OSBPL3: variants seen among roughly 807,000 people sequenced by gnomAD.
OSBPL3 encodes oxysterol binding protein like 3, also known as oxysterol-binding protein-related protein 3.
A neutral mutation model predicts 120.1 loss-of-function variants in OSBPL3; 65 were observed. That is an observed-to-expected ratio of 0.54 (90% CI 0.44 to 0.67). OSBPL3 has a LOEUF of 0.67. Among genes scored for constraint, OSBPL3 ranks in the 30% least tolerant of loss-of-function variants. OSBPL3 has a pLI of 0.00. For synonymous variants in OSBPL3, 416 were observed against 402.6 expected, an observed-to-expected ratio of 1.03 and a Z score of -0.40; for missense variants, 1,004 against 1,082.1, an observed-to-expected ratio of 0.93 and a Z score of 1.01.
At position 24,898,633 on chromosome 7, in the gene OSBPL3, A is replaced by G. The variant is rs184215698; in HGVS notation, c.-149-6012T>C. Among the ~76,000 whole-genome samples the G allele has an allele frequency of 6.6e-6, 1 of 152,336 alleles. No individual in the cohort carries two copies. ...CCAGCAACAGAAATGCACCTGGTGC[A>G]TATTTGAAGCGTGCGGCTTCCATGA... On this transcript the variant is annotated intron_variant, in intron 1 of 22. Coordinates refer to ENST00000313367, the MANE Select transcript of OSBPL3 (RefSeq NM_015550.4). This position sits in a 1 kb window ranked among gnomAD's most constrained non-coding sequence, Gnocchi z 4.3.
Position 24,828,649 on chromosome 7 carries a change from G to A in OSBPL3, c.1884+2119C>T, listed in dbSNP as rs544334163. On this transcript the variant is annotated intron_variant, in intron 16 of 22. Coordinates refer to ENST00000313367, the MANE Select transcript of OSBPL3 (RefSeq NM_015550.4). ...AAAAAAAAAAAAAGGCATCGTAGAA[G>A]TTCCCACTAAATATAAGAGCAATAG... Among the ~76,000 whole-genome samples, 116 of 138,586 alleles carry A rather than the reference G, an allele frequency of 8.4e-4. 1 individual carries two copies. Among genetic ancestry groups the A allele is most frequent in the Middle Eastern group, 4.0e-3 (1 of 252 alleles). The allele number at this position is 138,586 out of a possible 152,430, so 90.9% of individuals were successfully genotyped here. A position where few individuals can be genotyped will look rare whatever the true frequency, so the allele number is the denominator to read the frequency against.
rs1278684962 is a variant in OSBPL3 at position 24,932,562 on chromosome 7, T to G, written c.-149-39941A>C. On this transcript the variant is annotated intron_variant, in intron 1 of 22. Transcript: ENST00000313367. This position sits in a 1 kb window ranked among gnomAD's most constrained non-coding sequence, Gnocchi z 5.6. ...GCAGAGCCCTCATGAATGGGACTAG[T>G]GCCCTTTTAAAGATTCCCCACAGAG... Among the ~76,000 whole-genome samples, 2 of 152,068 alleles carry G rather than the reference T, an allele frequency of 1.3e-5. No homozygotes were observed. The highest frequency in any genetic ancestry group is 1.3e-4 in the Admixed American group (2 of 15,268).
At chr7:24,950,445 G>C (rs1338927437) in intron 1 of OSBPL3, among the ~76,000 whole-genome samples, 2 of 152,038 alleles carry the variant, frequency 1.3e-5, no homozygotes, top group Non-Finnish European at 2.9e-5. Flanking sequence ...CATGTAGGCC[G>C]GGCGCGGTGG....
At chr7:24,856,922 ATTT>A (rs1799909279) in intron 10 of OSBPL3, among the ~76,000 whole-genome samples, 1 of 152,230 alleles carries the variant, frequency 6.6e-6, no homozygotes, top group African/African-American at 2.4e-5. Context: ...ATCCAAATTG[ATTT>A]AGATACATTA....
At chr7:24,906,819 C>T (rs1024522958) in intron 1 of OSBPL3, among the ~76,000 whole-genome samples, 23 of 152,132 alleles carry the variant, frequency 1.5e-4, no homozygotes, top group African/African-American at 5.6e-4. Context: ...CCACTTCTCT[C>T]TATGCACTTC....
chr7:24,971,641 G>C (rs1817034994), intron 1 of OSBPL3, among the ~76,000 whole-genome samples: 1 of 152,214 alleles, frequency 6.6e-6, no homozygotes. Context: ...ATGGAAATCA[G>C]GAAGGGTAAA....
Position 24,938,959 on chromosome 7 carries a change from C to G in OSBPL3, c.-150+40927G>C, listed in dbSNP as rs1177654766. 6.6e-6 allele frequency among the ~76,000 whole-genome samples: 1 copy of G among 151,562 alleles called. No homozygotes were observed. Among genetic ancestry groups the G allele is most frequent in the Non-Finnish European group, 1.5e-5 (1 of 67,936 alleles). On this transcript the variant is annotated intron_variant, in intron 1 of 22. Transcript: ENST00000313367. This position sits in a 1 kb window ranked among gnomAD's most constrained non-coding sequence, Gnocchi z 5.8. ...TGATGTGATTAATTAAGATGCAGAACACAAGAACAAATGAAACAGAGTGCA... is the reference window on the plus strand; with the variant it reads ...TGATGTGATTAATTAAGATGCAGAAGACAAGAACAAATGAAACAGAGTGCA...
In OSBPL3 at chr7:24,912,644, G is replaced by A. The variant is rs1053439338; in HGVS notation, c.-149-20023C>T. 1.3e-5 allele frequency among the ~76,000 whole-genome samples: 2 copies of A among 152,166 alleles called. No homozygotes were observed. Among genetic ancestry groups the A allele is most frequent in the African/African-American group, 2.4e-5 (1 of 41,444 alleles). ...CCCAGTCTCCAGACCCAAGGCAGAC[G>A]TCAAGGCTTATTTATGGCTTAGAGC... On this transcript the variant is annotated intron_variant, in intron 1 of 22. Transcript: ENST00000313367. The surrounding 1 kb of genome is among the most constrained non-coding windows in gnomAD (Gnocchi z 4.5).
Position 24,854,066 on chromosome 7 carries a change from G to GCA in OSBPL3, c.1028-1434_1028-1433dup, listed in dbSNP as rs141325785. 3.0e-4 allele frequency among the ~76,000 whole-genome samples: 46 copies of GCA among 151,458 alleles called. No individual in the cohort carries two copies. The East Asian group carries it at 5.1e-3, about 17-fold the overall frequency. On this transcript the variant is annotated intron_variant, in intron 10 of 22. Coordinates refer to ENST00000313367, the MANE Select transcript of OSBPL3 (RefSeq NM_015550.4). This position sits in a 1 kb window ranked among gnomAD's most constrained non-coding sequence, Gnocchi z 4.1. ...GTTTTAAAAAACATTAACACATACA[G>GCA]CACACACACACACACAAATCATTAT...
chr7:24,836,141 A>C (rs1013276349), intron 14 of OSBPL3, among the ~76,000 whole-genome samples: 1 of 152,198 alleles, frequency 6.6e-6, no homozygotes, highest in Non-Finnish European at 1.5e-5. Context: ...GGATATGAAG[A>C]AGCGGGATTA....
rs994187989 is a variant in OSBPL3 at position 24,849,062 on chromosome 7, T to C, written c.1266+7A>G. ...GGGAGACATTACCAGACGAGAAACCTACCCACCTCTGCCAGATTGTCACCC... is the reference window on the plus strand; with the variant it reads ...GGGAGACATTACCAGACGAGAAACCCACCCACCTCTGCCAGATTGTCACCC... On this transcript the variant is annotated splice_region_variant and intron_variant, in intron 12 of 22. Coordinates refer to ENST00000313367, the MANE Select transcript of OSBPL3 (RefSeq NM_015550.4). The surrounding 1 kb of genome is among the most constrained non-coding windows in gnomAD (Gnocchi z 5.4). The C allele has an allele frequency of 2.5e-6, 4 of 1,605,710 alleles. No individual in the cohort carries two copies. The highest frequency in any genetic ancestry group is 3.4e-6 in the Non-Finnish European group (4 of 1,172,960).
intron 2 of OSBPL3, among the ~76,000 whole-genome samples, chr7:24,892,025 T>A (rs1805425394): frequency 6.6e-6 from 1 of 152,234 alleles, no homozygotes; most frequent in Admixed American, 6.5e-5. Flanking sequence ...CCAAACAGAC[T>A]GAGCTTTGCT....
chr7:24,903,676 C>T (rs1186620855), intron 1 of OSBPL3, among the ~76,000 whole-genome samples: 1 of 152,176 alleles, frequency 6.6e-6, no homozygotes, highest in East Asian at 1.9e-4. Flanking sequence ...TGCTACACAT[C>T]CACCCCTGTG....
intron 12 of OSBPL3, among the ~76,000 whole-genome samples, chr7:24,844,144 A>T (rs1798114871): frequency 6.6e-6 from 1 of 152,206 alleles, no homozygotes; most frequent in Non-Finnish European, 1.5e-5. Context: ...ATGGTGCCTT[A>T]AACAACTCAG....
chr7:24,970,317 G>A (rs1816866522), intron 1 of OSBPL3, among the ~76,000 whole-genome samples: 1 of 152,020 alleles, frequency 6.6e-6, no homozygotes, highest in Non-Finnish European at 1.5e-5. Context: ...ACGCGGCCAG[G>A]CTGGTCTCGA....
In OSBPL3 at chr7:24,943,435, T is replaced by C. The variant is rs17150596; in HGVS notation, c.-150+36451A>G. ...TGTTCATTTAGTTATTTCATTCCAA[T>C]ACAAAAAGCAGTCAAGCACCACATT... On this transcript the variant is annotated intron_variant, in intron 1 of 22. Transcript: ENST00000313367. Among the ~76,000 whole-genome samples, 369 of 152,334 alleles carry C rather than the reference T, an allele frequency of 2.4e-3. 1 individual carries two copies. The highest frequency in any genetic ancestry group is 8.3e-3 in the African/African-American group (345 of 41,586).
chr7:24,957,496 G>C lies in OSBPL3; in HGVS notation c.-150+22390C>G, dbSNP rs112990141. Reference sequence around the variant, plus strand: ...AATAGGGTACTCAGGTAAGGATCCAGATAAAATTGATAATAAACATGTCTC... The same window carrying C: ...AATAGGGTACTCAGGTAAGGATCCACATAAAATTGATAATAAACATGTCTC... On this transcript the variant is annotated intron_variant, in intron 1 of 22. Transcript: ENST00000313367. Among the ~76,000 whole-genome samples the C allele has an allele frequency of 5.8e-3, 884 of 152,296 alleles. 23 individuals carry two copies. The East Asian group carries it at 0.067, about 12-fold the overall frequency.
rs1376022660 is a variant in OSBPL3 at position 24,972,099 on chromosome 7, G to A, written c.-150+7787C>T. On this transcript the variant is annotated intron_variant, in intron 1 of 22. Transcript: ENST00000313367. This position sits in a 1 kb window ranked among gnomAD's most constrained non-coding sequence, Gnocchi z 4.3. ...TTTAAGCTACATGCAGGGCTATGCT[G>A]GAGGACAGGTTGCTAGATATCATTG... is the stretch of plus-strand genomic sequence containing the variant. Among the ~76,000 whole-genome samples the A allele has an allele frequency of 6.6e-6, 1 of 152,180 alleles. No individual in the cohort carries two copies. The highest frequency in any genetic ancestry group is 1.5e-5 in the Non-Finnish European group (1 of 68,038).
rs1485783268 is a variant in OSBPL3 at position 24,804,730 on chromosome 7, C to T, written c.2445-293G>A. Among the ~76,000 whole-genome samples, 1 of 152,148 alleles carries T rather than the reference C, an allele frequency of 6.6e-6. No individual in the cohort carries two copies. Among genetic ancestry groups the T allele is most frequent in the Non-Finnish European group, 1.5e-5 (1 of 68,024 alleles). Reference sequence around the variant, plus strand: ...CCTTCACCCTCCCACCCTAGAAAACCCACTTTATTAGTTTCCTCTGCATCC... The same window carrying T: ...CCTTCACCCTCCCACCCTAGAAAACTCACTTTATTAGTTTCCTCTGCATCC... On this transcript the variant is annotated intron_variant, in intron 21 of 22. Transcript: ENST00000313367. The surrounding 1 kb of genome is among the most constrained non-coding windows in gnomAD (Gnocchi z 5.4).
Sources: gnomAD v4.1 joint callset for allele counts (sites outside exome capture counted in the v4.1 genomes callset) on GRCh38, gnomAD v4.1.1 for gene constraint, Gnocchi (gnomAD v3.1) non-coding constraint, MANE v1.5 for transcripts, NCBI Gene and HGNC (gene_info 2026-07-23, HGNC 2026-07-21) for gene names.